The following ZC3H12D variants were observed in gnomAD, a reference collection of about 807,000 sequenced individuals.
ZC3H12D encodes probable ribonuclease ZC3H12D.
A neutral mutation model predicts 24.2 loss-of-function variants in ZC3H12D; 11 were observed. The ratio of observed to expected loss-of-function variants is 0.46; its 90% CI spans 0.29 to 0.75. ZC3H12D has a LOEUF of 0.75. Ranked by LOEUF, ZC3H12D falls within the 30% of genes least tolerant of loss-of-function variation. The pLI is 0.11. For synonymous variants in ZC3H12D, 333 were observed against 341.8 expected (o/e 0.97, Z 0.28); for missense variants, 740 against 767.7 (o/e 0.96, Z 0.43).
chr6:149,479,936 C>A (rs555700641), intron 1 of ZC3H12D, among the ~76,000 whole-genome samples: 3 of 152,286 alleles, frequency 2.0e-5, no homozygotes, highest in African/African-American at 7.2e-5. Flanking sequence ...CCCCCAGAGG[C>A]CCAAAGAAGA....
At chr6:149,468,406 C>A (rs1338539477) in intron 2 of ZC3H12D, among the ~76,000 whole-genome samples, 1 of 152,224 alleles carries the variant, frequency 6.6e-6, no homozygotes, top group Non-Finnish European at 1.5e-5. Context: ...GTTTCAGTAA[C>A]TAGACAATCC....
In ZC3H12D at chr6:149,451,088, G is replaced by A; in HGVS notation, c.1179C>T (p.Ser393=). The A allele has an allele frequency of 2.2e-6, 3 of 1,381,878 alleles. No individual in the cohort carries two copies. Among genetic ancestry groups the A allele is most frequent in the Non-Finnish European group, 1.9e-6 (2 of 1,073,888 alleles). The allele number at this position is 1,381,878 out of a possible 1,614,324, so 85.6% of individuals were successfully genotyped here. Residue 393 remains serine, a synonymous_variant, in exon 6 of 6, where the codon AGC becomes AGT. Transcript: ENST00000409806. Reference sequence around the variant, plus strand: ...CGCCCGGGGAGAACTGGCTCTCCGGGCTAGGGAGGCTGAGCGGGCCTGGCA... The same window carrying A: ...CGCCCGGGGAGAACTGGCTCTCCGGACTAGGGAGGCTGAGCGGGCCTGGCA... ...GRVPGPLSLP[S]PESQFSPGDL... is the part of the protein sequence containing the mutation.
In ZC3H12D at chr6:149,452,777, C is replaced by T; in HGVS notation, c.681-55G>A. The T allele has an allele frequency of 4.0e-6, 6 of 1,493,794 alleles. No homozygotes were observed. The South Asian group carries it at 4.8e-5, about 12-fold the overall frequency. 92.5% of individuals were successfully genotyped at this position (1,493,794 alleles called of 1,614,324 possible). ...GACCACCTGGGATTTGCCACCAGCA[C>T]CTGTACAAAGGGAGCAGGCCCAAGT... On this transcript the variant is annotated intron_variant, in intron 4 of 5. Coordinates refer to ENST00000409806, the MANE Select transcript of ZC3H12D (RefSeq NM_207360.3). This position sits in a 1 kb window ranked among gnomAD's most constrained non-coding sequence, Gnocchi z 4.0.
chr6:149,478,137 A>G (rs934452734), intron 1 of ZC3H12D, among the ~76,000 whole-genome samples: 2 of 147,822 alleles, frequency 1.4e-5, no homozygotes, highest in African/African-American at 5.1e-5. Flanking sequence ...ACTGCACTCC[A>G]GCCTGGGCAA....
chr6:149,462,229 C>T (rs1412484835), intron 2 of ZC3H12D, among the ~76,000 whole-genome samples: 2 of 151,980 alleles, frequency 1.3e-5, no homozygotes, highest in Non-Finnish European at 2.9e-5. Context: ...CAAAAATTAC[C>T]GAGGTGTAGT....
chr6:149,472,390 T>C (rs1248811644), intron 2 of ZC3H12D, among the ~76,000 whole-genome samples: 1 of 152,172 alleles, frequency 6.6e-6, no homozygotes, highest in Non-Finnish European at 1.5e-5. Context: ...CACAGGTACA[T>C]GTGTTCTGGT....
intron 2 of ZC3H12D, among the ~76,000 whole-genome samples, chr6:149,463,307 C>CT (rs1776104530): frequency 6.6e-6 from 1 of 152,198 alleles, no homozygotes; most frequent in South Asian, 2.1e-4. Context: ...CAGGCAGGGC[C>CT]TTGCAGACAT....
chr6:149,454,134 T>A (rs189178581), intron 4 of ZC3H12D, among the ~76,000 whole-genome samples: 179 of 152,316 alleles, frequency 1.2e-3, no homozygotes, highest in Non-Finnish European at 2.1e-3. Flanking sequence ...CTGGTCTTAG[T>A]TTCCTTGGCT....
At chr6:149,471,322 G>A (rs1037328269) in intron 2 of ZC3H12D, among the ~76,000 whole-genome samples, 3 of 152,226 alleles carry the variant, frequency 2.0e-5, no homozygotes, top group African/African-American at 7.2e-5. Flanking sequence ...GGGGGTCAGG[G>A]TCTGATTCCA....
intron 1 of ZC3H12D, among the ~76,000 whole-genome samples, chr6:149,476,104 A>G (rs1285321276): frequency 2.0e-5 from 3 of 152,196 alleles, no homozygotes; most frequent in South Asian, 4.1e-4. Flanking sequence ...ATTTACTTGC[A>G]TGTCTAATAG....
In ZC3H12D at chr6:149,448,782, G is replaced by A. The variant is rs539708725; in HGVS notation, c.*1901C>T. The A allele has an allele frequency of 6.6e-6, 1 of 152,322 alleles. No homozygotes were observed. The highest frequency in any genetic ancestry group is 6.5e-5 in the Admixed American group (1 of 15,304). The allele number at this position is 152,322 out of a possible 1,614,324, so 9.4% of individuals were successfully genotyped here. On this transcript the variant is annotated 3_prime_UTR_variant, in exon 6 of 6. Transcript: ENST00000409806. Reference sequence around the variant, plus strand: ...AAACCTAACATCACTGTATGCCCCAGGGGTGTCATTTACCATGAATGAAAG... The same window carrying A: ...AAACCTAACATCACTGTATGCCCCAAGGGTGTCATTTACCATGAATGAAAG...
At position 149,452,645 on chromosome 6, in the gene ZC3H12D, G is replaced by T. The variant is rs755752143; in HGVS notation, c.758C>A (p.Pro253Gln). The T allele has an allele frequency of 6.2e-7, 1 of 1,602,364 alleles. No homozygotes were observed. Among genetic ancestry groups the T allele is most frequent in the South Asian group, 1.1e-5 (1 of 88,746 alleles). Reference sequence around the variant, plus strand: ...AGGACAATGCTGCCAGGATGGCTCTGGGGGCTTCGGCTTCCTGCTCAGGAA... The same window carrying T: ...AGGACAATGCTGCCAGGATGGCTCTTGGGGCTTCGGCTTCCTGCTCAGGAA... ...SNFLSRKPKP[P>Q]EPSWQHCPYG... Residue 253 changes from proline to glutamine, a missense_variant, in exon 5 of 6, where the codon CCA (proline) becomes CAA (glutamine). By Grantham distance (76) the Pro-to-Gln change is moderately conservative (BLOSUM62 -1). Transcript: ENST00000409806. The surrounding 1 kb of genome is among the most constrained non-coding windows in gnomAD (Gnocchi z 4.0).
chr6:149,448,334 C>T lies in ZC3H12D; in HGVS notation c.*2349G>A, dbSNP rs1354006762. ...AAATTAAAATAAAAAAAATAAAGGC[C>T]CGTTGAGGTGGCTCATGCCTGTAAT... On this transcript the variant is annotated 3_prime_UTR_variant, in exon 6 of 6. Transcript: ENST00000409806. 1 of 151,250 alleles carries T rather than the reference C, an allele frequency of 6.6e-6. No individual in the cohort carries two copies. The highest frequency in any genetic ancestry group is 1.5e-5 in the Non-Finnish European group (1 of 67,896). The allele number at this position is 151,250 out of a possible 1,614,324, so 9.4% of individuals were successfully genotyped here. A position where few individuals can be genotyped will look rare whatever the true frequency, so the allele number is the denominator to read the frequency against.
At position 149,461,975 on chromosome 6, in the gene ZC3H12D, A is replaced by G; in HGVS notation, c.306-5T>C. The G allele has an allele frequency of 6.2e-7, 1 of 1,609,142 alleles. No individual in the cohort carries two copies. The highest frequency in any genetic ancestry group is 8.5e-7 in the Non-Finnish European group (1 of 1,177,846). Reference sequence around the variant, plus strand: ...AAGGTTTCTTTATTTCCATGGCTACAATGGGAAAACAAAGAAATCATAGAG... The same window carrying G: ...AAGGTTTCTTTATTTCCATGGCTACGATGGGAAAACAAAGAAATCATAGAG... On this transcript the variant is annotated splice_polypyrimidine_tract_variant and splice_region_variant and intron_variant, in intron 2 of 5. Coordinates refer to ENST00000409806, the MANE Select transcript of ZC3H12D (RefSeq NM_207360.3).
intron 3 of ZC3H12D, among the ~76,000 whole-genome samples, chr6:149,459,062 C>G (rs1019326152): frequency 3.3e-5 from 5 of 151,928 alleles, no homozygotes; most frequent in African/African-American, 1.2e-4. Flanking sequence ...TGAGACTTGT[C>G]TTTCCACTTT....
chr6:149,482,030 G>A (rs766480894), intron 1 of ZC3H12D, among the ~76,000 whole-genome samples: 19 of 152,240 alleles, frequency 1.2e-4, no homozygotes, highest in Non-Finnish European at 2.1e-4. Flanking sequence ...AGGGACAGCC[G>A]CCCAGGGCCG....
In ZC3H12D at chr6:149,456,826, G is replaced by C. The variant is rs1775991108; in HGVS notation, c.520C>G (p.Arg174Gly). Residue 174 changes from arginine to glycine, a missense_variant, in exon 4 of 6, where the codon CGC becomes GGC. Coordinates refer to ENST00000409806, the MANE Select transcript of ZC3H12D (RefSeq NM_207360.3). This position sits in a 1 kb window ranked among gnomAD's most constrained non-coding sequence, Gnocchi z 4.3. ...TAGCGGTCGTCGTAGCAGACCAGGCGCTTGCCGTGCACCTTGCGGGACGGC... is the reference window on the plus strand; with the variant it reads ...TAGCGGTCGTCGTAGCAGACCAGGCCCTTGCCGTGCACCTTGCGGGACGGC... Reference protein sequence around the residue: ...YTPSRKVHGKRLVCYDDRYIV... With the variant: ...YTPSRKVHGKGLVCYDDRYIV... The C allele has an allele frequency of 6.2e-7, 1 of 1,611,980 alleles. No homozygotes were observed. Among genetic ancestry groups the C allele is most frequent in the African/African-American group, 1.3e-5 (1 of 74,908 alleles).
chr6:149,451,569 C>A, intron 5 of ZC3H12D, 90 bp from the exon 6 acceptor site: 1 of 1,167,792 alleles, frequency 8.6e-7, no homozygotes, highest in Middle Eastern at 2.9e-4. Context: ...AGTGCCGGCC[C>A]GCGGCCTCTC....
rs1464577031 is a variant in ZC3H12D, at chr6:149,456,144, C to T, written c.680+522G>A. ...GTGCGTGCCTATAATCTCAGCTACT[C>T]GGGAGGCTGAGGCAGGAGAATTGCT... On this transcript the variant is annotated intron_variant, in intron 4 of 5. Coordinates refer to ENST00000409806, the MANE Select transcript of ZC3H12D (RefSeq NM_207360.3). This position sits in a 1 kb window ranked among gnomAD's most constrained non-coding sequence, Gnocchi z 4.3. Among the ~76,000 whole-genome samples the T allele has an allele frequency of 6.7e-6, 1 of 149,074 alleles. No homozygotes were observed. The highest frequency in any genetic ancestry group is 2.1e-4 in the South Asian group (1 of 4,678).
Sources: gnomAD v4.1 joint callset for allele counts (sites outside exome capture counted in the v4.1 genomes callset) on GRCh38, gnomAD v4.1.1 for gene constraint, Gnocchi (gnomAD v3.1) non-coding constraint, MANE v1.5 for transcripts, NCBI Gene and HGNC (gene_info 2026-07-23, HGNC 2026-07-21) for gene names.